DMD: variants seen among roughly 807,000 people sequenced by gnomAD.
DMD encodes the protein mutant dystrophin.
A neutral mutation model predicts 330.1 loss-of-function variants in DMD; 63 were observed. The ratio of observed to expected loss-of-function variants is 0.19; its 90% CI spans 0.16 to 0.24. The LOEUF (loss-of-function observed/expected upper bound fraction) is 0.24. Ranked by LOEUF, DMD falls within the 10% of genes least tolerant of loss-of-function variation. DMD has a pLI of 1.00. For synonymous variants in DMD, 1,223 were observed against 959.8 expected (o/e 1.27, Z -5.07); for missense variants, 3,344 against 2,684.1 (o/e 1.25, Z -5.43).
chrX:31,601,068 G>A (rs2077342916), intron 55 of DMD, among the ~76,000 whole-genome samples: 2 of 111,776 alleles, frequency 1.8e-5, no homozygotes, highest in South Asian at 7.5e-4. Flanking sequence ...TCATGAAACA[G>A]GACACAAATT....
At chrX:31,670,027 T>C (rs1474997092) in intron 53 of DMD, among the ~76,000 whole-genome samples, 5 of 111,750 alleles carry the variant, frequency 4.5e-5, no homozygotes, top group African/African-American at 1.6e-4. Flanking sequence ...AAGCCTTGCA[T>C]CTCTTTTATT....
intron 55 of DMD, among the ~76,000 whole-genome samples, chrX:31,595,273 G>A (rs1186585689): frequency 2.7e-5 from 3 of 111,026 alleles, no homozygotes; most frequent in Admixed American, 1.9e-4. Flanking sequence ...GATCTGTTTC[G>A]GCTCATGGTA....
intron 17 of DMD, among the ~76,000 whole-genome samples, chrX:32,542,470 T>G (rs181653477): frequency 9.0e-6 from 1 of 111,714 alleles, no homozygotes; most frequent in East Asian, 2.8e-4. Flanking sequence ...GATGGATCTG[T>G]GTGATACTCC....
chrX:31,241,985 G>T (rs1028022624), intron 63 of DMD, among the ~76,000 whole-genome samples: 1 of 110,848 alleles, frequency 9.0e-6, no homozygotes, highest in African/African-American at 3.3e-5. Context: ...GGCCAGGCGC[G>T]GTGGCTCATT....
rs756725899 is a variant in DMD at position 32,530,985 on chromosome X, A to G, written c.2169-12854T>C. Among the ~76,000 whole-genome samples the G allele has an allele frequency of 1.2e-4, 13 of 111,954 alleles. No individual in the cohort carries two copies. In the South Asian group the frequency reaches 4.1e-3, roughly 35 times the overall value. On this transcript the variant is annotated intron_variant, in intron 17 of 78. Coordinates refer to ENST00000357033, the MANE Select transcript of DMD (RefSeq NM_004006.3). ...AAAGCTGCCTATGTCCTTATGATAA[A>G]TAAATGTGGGTCACTAGAGGGCGCA... is the stretch of plus-strand genomic sequence containing the variant.
intron 9 of DMD, among the ~76,000 whole-genome samples, chrX:32,653,209 T>A (rs1243616323): frequency 8.9e-6 from 1 of 112,212 alleles, no homozygotes; most frequent in Non-Finnish European, 1.9e-5. Flanking sequence ...TTGCTTTTGG[T>A]GTTTTGGACA....
intron 63 of DMD, among the ~76,000 whole-genome samples, chrX:31,249,390 C>T (rs58123838): frequency 0.17 from 18,778 of 110,486 alleles, 1,284 homozygotes; most frequent in East Asian, 0.39. Context: ...TACAGGCAGA[C>T]GCCACCACTT....
chrX:33,009,362 A>G (rs776766983), intron 2 of DMD, among the ~76,000 whole-genome samples: 2 of 55,830 alleles, frequency 3.6e-5, no homozygotes, highest in Admixed American at 3.4e-4. Context: ...ATGTGTGTAT[A>G]TGTGTATATG....
intron 43 of DMD, among the ~76,000 whole-genome samples, chrX:32,230,088 C>T (rs2097163442): frequency 9.0e-6 from 1 of 110,790 alleles, no homozygotes; most frequent in Non-Finnish European, 1.9e-5. Flanking sequence ...ATTGAATCAC[C>T]ATTTTTACCT....
chrX:32,760,261 AGAG>A (rs2072100311), intron 7 of DMD, among the ~76,000 whole-genome samples: 1 of 112,059 alleles, frequency 8.9e-6, no homozygotes, highest in Admixed American at 9.5e-5. Flanking sequence ...TCTATTAAAA[AGAG>A]GAGACATAAG....
intron 17 of DMD, among the ~76,000 whole-genome samples, chrX:32,528,725 A>G (rs888970087): frequency 1.8e-5 from 2 of 110,579 alleles, no homozygotes; most frequent in African/African-American, 6.6e-5. Context: ...CTTCATCTAC[A>G]TGATAAAACT....
intron 2 of DMD, among the ~76,000 whole-genome samples, chrX:32,990,748 A>C (rs977411096): frequency 4.5e-5 from 5 of 111,646 alleles, no homozygotes; most frequent in African/African-American, 1.6e-4. Flanking sequence ...TGAAAGGCAT[A>C]CCTAGGGAAA....
intron 60 of DMD, among the ~76,000 whole-genome samples, chrX:31,356,620 T>A (rs1261330771): frequency 8.9e-6 from 1 of 112,217 alleles, no homozygotes; most frequent in East Asian, 2.8e-4. Context: ...GCAAGCTCTT[T>A]GTCCGTTGTT....
intron 60 of DMD, among the ~76,000 whole-genome samples, chrX:31,393,857 G>C (rs7057124): frequency 0.066 from 7,366 of 111,731 alleles, 584 homozygotes; most frequent in African/African-American, 0.22. Flanking sequence ...ATAAGCAAAT[G>C]AATAAACTAG....
intron 63 of DMD, among the ~76,000 whole-genome samples, chrX:31,231,247 T>C (rs911913058): frequency 1.9e-4 from 21 of 110,969 alleles, no homozygotes; most frequent in African/African-American, 5.9e-4. Flanking sequence ...AAATCATTAG[T>C]ATTATTTTAA....
At position 32,624,303 on chromosome X, in the gene DMD, A is replaced by C. The variant is rs143211437; in HGVS notation, c.1332-9850T>G. On this transcript the variant is annotated intron_variant, in intron 11 of 78. Coordinates refer to ENST00000357033, the MANE Select transcript of DMD (RefSeq NM_004006.3). ...TTAGAATAAAGTAGTATAGGGCAGG[A>C]GTTGGTCCTGACAGTAGGTATAGGC... Among the ~76,000 whole-genome samples, 938 of 111,705 alleles carry C rather than the reference A, an allele frequency of 8.4e-3. 13 individuals are homozygous for C. The highest frequency in any genetic ancestry group is 0.027 in the African/African-American group (840 of 30,650).
intron 2 of DMD, among the ~76,000 whole-genome samples, chrX:32,976,599 T>C (rs2092558482): frequency 8.9e-6 from 1 of 111,905 alleles, no homozygotes; most frequent in African/African-American, 3.2e-5. Flanking sequence ...TTATTAATCA[T>C]ACAGAAAAAT....
At chrX:32,358,661 C>A (rs1032963569) in intron 37 of DMD, among the ~76,000 whole-genome samples, 4 of 111,409 alleles carry the variant, frequency 3.6e-5, no homozygotes, top group African/African-American at 1.3e-4. Flanking sequence ...TTAAATTCAT[C>A]CACTTCATTA....
At chrX:32,903,647 T>C (rs1019940810) in intron 2 of DMD, among the ~76,000 whole-genome samples, 9 of 111,630 alleles carry the variant, frequency 8.1e-5, no homozygotes, top group Non-Finnish European at 3.8e-5. Context: ...TAATGGATTT[T>C]AAGTAAACTA....
Sources: gnomAD v4.1 joint callset for allele counts (sites outside exome capture counted in the v4.1 genomes callset) on GRCh38, gnomAD v4.1.1 for gene constraint, MANE v1.5 for transcripts, NCBI Gene and HGNC (gene_info 2026-07-23, HGNC 2026-07-21) for gene names.